The following RALB variants were observed in gnomAD, a reference collection of about 807,000 sequenced individuals.
The protein encoded by RALB is RAS like proto-oncogene B.
Under a neutral mutation model 21.3 loss-of-function variants are expected in RALB, and 16 were observed. That is an observed-to-expected ratio of 0.75 (90% CI 0.51 to 1.14). RALB has a LOEUF of 1.14. Ranked by LOEUF, RALB falls within the 50% of genes most tolerant of loss-of-function variation. RALB has a pLI of 0.00. For synonymous variants in RALB, 93 were observed against 96.1 expected, an observed-to-expected ratio of 0.97 and a Z score of 0.19; for missense variants, 161 against 256.2, an observed-to-expected ratio of 0.63 and a Z score of 2.54.
At chr2:120,262,065 C>T (rs1380057779) in intron 1 of RALB, among the ~76,000 whole-genome samples, 2 of 152,060 alleles carry the variant, frequency 1.3e-5, no homozygotes, top group Non-Finnish European at 2.9e-5. Context: ...GGGAGGACGA[C>T]AGGAGTTGGG....
At chr2:120,242,765 T>A (rs903136750) in intron 1 of RALB, among the ~76,000 whole-genome samples, 1 of 151,744 alleles carries the variant, frequency 6.6e-6, no homozygotes, top group East Asian at 1.9e-4. Flanking sequence ...ATAATAATTT[T>A]AAAATTAAAA....
intron 1 of RALB, among the ~76,000 whole-genome samples, chr2:120,269,785 T>G (rs4100690): frequency 0.7 from 105,735 of 152,130 alleles, 37,345 homozygotes; most frequent in Middle Eastern, 0.8. Flanking sequence ...AGCATTCTTT[T>G]TAGTGACAAA....
At chr2:120,268,876 C>T (rs1422272636) in intron 1 of RALB, among the ~76,000 whole-genome samples, 1 of 152,146 alleles carries the variant, frequency 6.6e-6, no homozygotes, top group Non-Finnish European at 1.5e-5. Context: ...AGTCCAACTT[C>T]ATTGTTGCCA....
upstream of RALB, among the ~76,000 whole-genome samples, chr2:120,252,523 G>T (rs181131527): frequency 1.3e-5 from 2 of 152,330 alleles, no homozygotes; most frequent in Admixed American, 1.3e-4. Flanking sequence ...CCCACAACTG[G>T]CGCCCCACCT....
intron 1 of RALB, among the ~76,000 whole-genome samples, chr2:120,261,359 A>G (rs981199347): frequency 6.6e-6 from 1 of 152,136 alleles, no homozygotes; most frequent in African/African-American, 2.4e-5. Flanking sequence ...TGTGTACTCC[A>G]TGAGGCTGGA....
upstream of RALB, among the ~76,000 whole-genome samples, chr2:120,249,856 CTG>C (rs761737212): frequency 3.3e-5 from 5 of 152,220 alleles, no homozygotes; most frequent in Non-Finnish European, 7.3e-5. Context: ...CCTTCCAGCC[CTG>C]TGTGACTCAC....
chr2:120,253,342 C>T lies in RALB; in HGVS notation c.-48+362C>T. On this transcript the variant is annotated intron_variant, in intron 1 of 4. Transcript: ENST00000272519. Reference sequence around the variant, plus strand: ...CACTTCCTCAGTCCTCCGGCCGCGGCTTGGGCAGGGTCAGGGCTGGGAAGT... The same window carrying T: ...CACTTCCTCAGTCCTCCGGCCGCGGTTTGGGCAGGGTCAGGGCTGGGAAGT... 5 of 966,726 alleles carry T rather than the reference C, an allele frequency of 5.2e-6. No individual in the cohort carries two copies. In the South Asian group the frequency reaches 1.9e-4, roughly 37 times the overall value. The allele number at this position is 966,726 out of a possible 1,614,324, so 59.9% of individuals were successfully genotyped here.
chr2:120,259,519 C>G (rs958896178), intron 1 of RALB, among the ~76,000 whole-genome samples: 1 of 151,270 alleles, frequency 6.6e-6, no homozygotes, highest in South Asian at 2.1e-4. Context: ...CTGAGCTAGA[C>G]GTAAAGACTC....
At chr2:120,277,384 CATGT>C (rs1689829069) in intron 1 of RALB, among the ~76,000 whole-genome samples, 1 of 150,338 alleles carries the variant, frequency 6.7e-6, no homozygotes, top group African/African-American at 2.5e-5. Context: ...GTGGCGTGAA[CATGT>C]ATGTGTGAGA....
At chr2:120,275,527 G>T (rs932393570) in intron 1 of RALB, among the ~76,000 whole-genome samples, 1 of 152,194 alleles carries the variant, frequency 6.6e-6, no homozygotes, top group Non-Finnish European at 1.5e-5. Context: ...AATCTAGGGT[G>T]GGACCCAGGT....
At chr2:120,256,449 G>A in intron 1 of RALB, among the ~76,000 whole-genome samples, 1 of 152,118 alleles carries the variant, frequency 6.6e-6, no homozygotes. Flanking sequence ...TACGTTGTGG[G>A]AGGGACTCGG....
chr2:120,261,728 C>T (rs1689372253), intron 1 of RALB, among the ~76,000 whole-genome samples: 1 of 152,090 alleles, frequency 6.6e-6, no homozygotes, highest in African/African-American at 2.4e-5. Context: ...TTTCTCATGT[C>T]AGGCTTTGGG....
At chr2:120,247,056 C>T (rs907653685) in intron 1 of RALB, among the ~76,000 whole-genome samples, 2 of 152,190 alleles carry the variant, frequency 1.3e-5, no homozygotes, top group Non-Finnish European at 2.9e-5. Context: ...GCTGTCACCC[C>T]GTGGCGGCTT....
chr2:120,265,856 A>G (rs1689489481), intron 1 of RALB, among the ~76,000 whole-genome samples: 1 of 152,256 alleles, frequency 6.6e-6, no homozygotes, highest in Non-Finnish European at 1.5e-5. Flanking sequence ...GGATAGGGAC[A>G]TGTATGCTAA....
At chr2:120,285,602 G>A (rs994008585) in intron 2 of RALB, among the ~76,000 whole-genome samples, 1 of 151,994 alleles carries the variant, frequency 6.6e-6, no homozygotes, top group Non-Finnish European at 1.5e-5. Flanking sequence ...ACCCTTGCAG[G>A]TGTTTGCATT....
At chr2:120,265,983 C>T (rs1689493053) in intron 1 of RALB, among the ~76,000 whole-genome samples, 1 of 152,206 alleles carries the variant, frequency 6.6e-6, no homozygotes, top group Non-Finnish European at 1.5e-5. Context: ...ATCTGTAAGG[C>T]TAGCAGAATC....
At chr2:120,242,400 A>G (rs1355693687) in intron 1 of RALB, among the ~76,000 whole-genome samples, 9 of 152,206 alleles carry the variant, frequency 5.9e-5, no homozygotes, top group African/African-American at 2.2e-4. Flanking sequence ...CTTTTATATC[A>G]TATATATTTT....
chr2:120,245,842 T>C (rs1186914407), intron 1 of RALB, among the ~76,000 whole-genome samples: 1 of 152,166 alleles, frequency 6.6e-6, no homozygotes. Flanking sequence ...CCCACCCCAA[T>C]GTCATTGCTG....
At chr2:120,277,693 G>C (rs1163160295) in intron 1 of RALB, among the ~76,000 whole-genome samples, 2 of 151,318 alleles carry the variant, frequency 1.3e-5, no homozygotes, top group Admixed American at 6.6e-5. Context: ...GAGTGAAAGT[G>C]TGTATGTGGG....
Sources: allele counts gnomAD v4.1 joint callset (sites outside exome capture counted in the v4.1 genomes callset), GRCh38; gene constraint gnomAD v4.1.1; transcripts MANE v1.5; gene names NCBI Gene and HGNC (gene_info 2026-07-23, HGNC 2026-07-21).